Variants in PRELID2 observed in about 807,000 individuals in gnomAD.
PRELID2 encodes the protein PRELI domain-containing protein 2.
PRELID2 carries 25 observed loss-of-function variants against 28.4 expected under a neutral mutation model. That is an observed-to-expected ratio of 0.88 (90% CI 0.64 to 1.23). The LOEUF (loss-of-function observed/expected upper bound fraction) is 1.23. Ranked by LOEUF, PRELID2 falls within the 50% of genes most tolerant of loss-of-function variation. PRELID2 has a pLI of 0.00. For synonymous variants in PRELID2, 76 were observed against 71.6 expected (o/e 1.06, Z -0.31); for missense variants, 201 against 214.4 (o/e 0.94, Z 0.39).
chr5:145,230,586 TA>T, the PRELID2 span, among the ~76,000 whole-genome samples: 1 of 149,290 alleles, frequency 6.7e-6, no homozygotes, highest in Non-Finnish European at 1.5e-5. Flanking sequence ...CTCAAAAAAA[TA>T]AAAAAAAGAA....
At chr5:145,513,501 T>G (rs891906449) in intron 1 of PRELID2, among the ~76,000 whole-genome samples, 1 of 151,962 alleles carries the variant, frequency 6.6e-6, no homozygotes, top group African/African-American at 2.4e-5. Context: ...AAAGACCGAA[T>G]CTACGTTTGA....
At chr5:145,270,881 CAA>C in the PRELID2 span, among the ~76,000 whole-genome samples, 1 of 151,980 alleles carries the variant, frequency 6.6e-6, no homozygotes, top group Admixed American at 6.6e-5. Context: ...AAGAAATACC[CAA>C]GACTGAATAA....
At chr5:145,372,884 A>T in the PRELID2 span, among the ~76,000 whole-genome samples, 4 of 95,742 alleles carry the variant, frequency 4.2e-5, no homozygotes, top group Admixed American at 1.3e-4. Context: ...AATATATATG[A>T]TATTATATAT....
the PRELID2 span, among the ~76,000 whole-genome samples, chr5:145,463,788 A>G: frequency 1.3e-5 from 2 of 152,206 alleles, no homozygotes; most frequent in East Asian, 1.9e-4. Flanking sequence ...AAAAGAAAAC[A>G]GAGTCCAGTT....
the PRELID2 span, among the ~76,000 whole-genome samples, chr5:145,318,136 T>G: frequency 2.6e-5 from 4 of 152,178 alleles, no homozygotes; most frequent in East Asian, 7.7e-4. Flanking sequence ...AAGTCTCAAT[T>G]GGGCTACTAG....
chr5:145,679,108 G>A (rs1490088376), intron 1 of PRELID2, among the ~76,000 whole-genome samples: 2 of 152,172 alleles, frequency 1.3e-5, no homozygotes, highest in Admixed American at 6.5e-5. Flanking sequence ...CTGGACTTCA[G>A]TCTACTCTGC....
chr5:145,699,558 C>T (rs1755360914), intron 1 of PRELID2, among the ~76,000 whole-genome samples: 1 of 152,148 alleles, frequency 6.6e-6, no homozygotes, highest in Non-Finnish European at 1.5e-5. Context: ...CTTCCCTGCT[C>T]ATTGACATTG....
intron 1 of PRELID2, among the ~76,000 whole-genome samples, chr5:145,658,297 C>T (rs1185034498): frequency 6.6e-6 from 1 of 152,160 alleles, no homozygotes; most frequent in African/African-American, 2.4e-5. Flanking sequence ...CCCACCAAGT[C>T]CATTCCCTGC....
chr5:145,247,196 C>T, the PRELID2 span, among the ~76,000 whole-genome samples: 1 of 152,106 alleles, frequency 6.6e-6, no homozygotes, highest in Non-Finnish European at 1.5e-5. Flanking sequence ...TCACTTTGAC[C>T]CCGTTTGATT....
intron 1 of PRELID2, among the ~76,000 whole-genome samples, chr5:145,534,449 T>C (rs1434329155): frequency 2.6e-5 from 4 of 152,048 alleles, no homozygotes; most frequent in African/African-American, 4.8e-5. Context: ...GGCTACAGCA[T>C]GCACCATTTA....
At chr5:145,741,314 T>C (rs1462470705) in intron 1 of PRELID2, among the ~76,000 whole-genome samples, 3 of 72,078 alleles carry the variant, frequency 4.2e-5, no homozygotes, top group South Asian at 5.3e-4. Context: ...ATAATTTATT[T>C]ATAAATAAAT....
the PRELID2 span, among the ~76,000 whole-genome samples, chr5:145,236,085 G>A: frequency 6.6e-6 from 1 of 152,180 alleles, no homozygotes; most frequent in African/African-American, 2.4e-5. Context: ...TTGGCATTGA[G>A]GAAGAATCCT....
chr5:145,459,019 GA>G, the PRELID2 span, among the ~76,000 whole-genome samples: 1 of 152,128 alleles, frequency 6.6e-6, no homozygotes, highest in Non-Finnish European at 1.5e-5. Flanking sequence ...ACTCCTTGGG[GA>G]ATAAAAGGGG....
chr5:145,682,658 T>C (rs1018089750), intron 1 of PRELID2, among the ~76,000 whole-genome samples: 10 of 152,132 alleles, frequency 6.6e-5, no homozygotes, highest in Non-Finnish European at 1.5e-4. Context: ...GGGCTCTTCA[T>C]GACAGCAGCC....
chr5:145,516,414 GC>G (rs1752517678), intron 1 of PRELID2, among the ~76,000 whole-genome samples: 1 of 152,110 alleles, frequency 6.6e-6, no homozygotes, highest in South Asian at 2.1e-4. Flanking sequence ...AAAATGCCTA[GC>G]AATACAAATT....
chr5:145,643,893 T>C (rs796984718), intron 1 of PRELID2, among the ~76,000 whole-genome samples: 1 of 152,242 alleles, frequency 6.6e-6, no homozygotes, highest in South Asian at 2.1e-4. Flanking sequence ...AGCTTTTTGA[T>C]GTACTGCTGG....
chr5:145,696,621 C>A (rs776905448), intron 1 of PRELID2, among the ~76,000 whole-genome samples: 1 of 151,994 alleles, frequency 6.6e-6, no homozygotes, highest in Non-Finnish European at 1.5e-5. Context: ...GCCACCACAC[C>A]TGGCTAATTT....
In PRELID2 at chr5:145,817,892, A is replaced by G; in HGVS notation, c.368+2T>C. On this transcript the variant is annotated splice_donor_variant, in intron 4 of 6. Transcript: ENST00000683046. LOFTEE classifies it high-confidence loss of function. ...ACACACACATATACACACGAGTCTT[A>G]CCAATTTGGGTTTTCCATACTTTCC... 1 of 1,542,486 alleles carries G rather than the reference A, an allele frequency of 6.5e-7. No individual in the cohort carries two copies. The highest frequency in any genetic ancestry group is 8.7e-7 in the Non-Finnish European group (1 of 1,147,370).
intron 1 of PRELID2, chr5:145,728,604 A>G: frequency 1.0e-6 from 1 of 987,854 alleles, no homozygotes; most frequent in Non-Finnish European, 1.6e-6. Context: ...TAGCAAAACA[A>G]TGACCACTGT....
Sources: allele counts gnomAD v4.1 joint callset (sites outside exome capture counted in the v4.1 genomes callset), GRCh38; gene constraint gnomAD v4.1.1; transcripts MANE v1.5; gene names NCBI Gene and HGNC (gene_info 2026-07-23, HGNC 2026-07-21).